GBE1: variants seen among roughly 807,000 people sequenced by gnomAD.
GBE1 encodes the protein 1,4-alpha-glucan branching enzyme 1.
GBE1 carries 70 observed loss-of-function variants against 88.8 expected under a neutral mutation model. That is an observed-to-expected ratio of 0.79 (90% confidence interval 0.65 to 0.96). The LOEUF (loss-of-function observed/expected upper bound fraction) is 0.96. Among genes scored for constraint, GBE1 ranks in the 40% least tolerant of loss-of-function variants. The pLI, the probability that GBE1 is intolerant of heterozygous loss-of-function variation, is 0.00. For synonymous variants in GBE1, 284 were observed against 300.1 expected, an observed-to-expected ratio of 0.95 and a Z score of 0.56; for missense variants, 872 against 871.0, an observed-to-expected ratio of 1.00 and a Z score of -0.01.
At chr3:81,619,976 A>G (rs1704302633) in intron 7 of GBE1, among the ~76,000 whole-genome samples, 1 of 152,058 alleles carries the variant, frequency 6.6e-6, no homozygotes, top group South Asian at 2.1e-4. Context: ...TAAAAAACAT[A>G]TACATTTATG....
At position 81,761,616 on chromosome 3, in the gene GBE1, G is replaced by A. The variant is rs1167752932; in HGVS notation, c.-99C>T. The A allele has an allele frequency of 6.9e-7, 1 of 1,456,478 alleles. No homozygotes were observed. Among genetic ancestry groups the A allele is most frequent in the Middle Eastern group, 2.4e-4 (1 of 4,142 alleles). 90.2% of individuals were successfully genotyped at this position (1,456,478 alleles called of 1,614,324 possible). On this transcript the variant is annotated 5_prime_UTR_variant, in exon 1 of 16. Coordinates refer to ENST00000429644, the MANE Select transcript of GBE1 (RefSeq NM_000158.4). ...GGACGCGGCGGCTAGGGCGGAGCCG[G>A]AGGGCGCCTAGGCGTGTCGAGGCAA...
At chr3:81,655,574 T>C (rs949794356) in intron 3 of GBE1, among the ~76,000 whole-genome samples, 12 of 152,176 alleles carry the variant, frequency 7.9e-5, no homozygotes, top group African/African-American at 2.4e-4. Flanking sequence ...TAGAATGCAA[T>C]GGTGCCACCT....
chr3:81,549,862 G>C (rs937947677), intron 12 of GBE1, among the ~76,000 whole-genome samples: 4 of 151,444 alleles, frequency 2.6e-5, no homozygotes, highest in Non-Finnish European at 5.9e-5. Flanking sequence ...ACTGGAGAGA[G>C]AAATTAAGTT....
rs559152263 is a variant in GBE1 at position 81,640,053 on chromosome 3, G to A, written c.992+2728C>T. 1.9e-4 allele frequency among the ~76,000 whole-genome samples: 29 copies of A among 152,282 alleles called. No homozygotes were observed. In the South Asian group the frequency reaches 3.5e-3, roughly 18 times the overall value. ...GCAAAGTAGGACTTTGATCATGATT[G>A]CTAAGAAGTATTTGTTTAAATGAAT... On this transcript the variant is annotated intron_variant, in intron 7 of 15. Transcript: ENST00000429644.
chr3:81,619,357 T>C (rs762236030), intron 7 of GBE1, among the ~76,000 whole-genome samples: 1 of 152,094 alleles, frequency 6.6e-6, no homozygotes, highest in Non-Finnish European at 1.5e-5. Flanking sequence ...AACAAAATGG[T>C]TTTATGGTCT....
At chr3:81,520,884 G>A (rs1389100076) in intron 14 of GBE1, among the ~76,000 whole-genome samples, 2 of 151,516 alleles carry the variant, frequency 1.3e-5, no homozygotes, top group East Asian at 3.9e-4. Flanking sequence ...TATGGCTGTA[G>A]ATTCTACTGC....
chr3:81,574,293 A>T (rs1218484661), intron 12 of GBE1, among the ~76,000 whole-genome samples: 1 of 152,218 alleles, frequency 6.6e-6, no homozygotes, highest in Non-Finnish European at 1.5e-5. Context: ...TAATATTAAA[A>T]TATAGTAACC....
At chr3:81,609,380 G>A (rs1206443423) in intron 7 of GBE1, among the ~76,000 whole-genome samples, 6 of 152,058 alleles carry the variant, frequency 3.9e-5, no homozygotes, top group South Asian at 4.1e-4. Flanking sequence ...ATGAAGGACT[G>A]GAACATTGGT....
intron 13 of GBE1, among the ~76,000 whole-genome samples, chr3:81,536,290 G>T (rs1305380766): frequency 2.0e-5 from 3 of 151,648 alleles, no homozygotes; most frequent in Non-Finnish European, 4.4e-5. Context: ...AAAGTAAATG[G>T]ATTATAACGA....
chr3:81,749,280 A>C (rs1706462134), intron 1 of GBE1, among the ~76,000 whole-genome samples: 2 of 152,178 alleles, frequency 1.3e-5, no homozygotes, highest in Non-Finnish European at 2.9e-5. Context: ...AAAAGGAACA[A>C]ACTATTGATA....
intron 7 of GBE1, among the ~76,000 whole-genome samples, chr3:81,621,183 G>A (rs1704327571): frequency 1.3e-5 from 2 of 152,140 alleles, no homozygotes; most frequent in South Asian, 4.1e-4. Flanking sequence ...ATTTTAGAAA[G>A]CTTACTCTGC....
intron 7 of GBE1, among the ~76,000 whole-genome samples, chr3:81,636,270 A>C (rs917423362): frequency 2.0e-5 from 3 of 152,182 alleles, no homozygotes; most frequent in Admixed American, 2.0e-4. Flanking sequence ...TGTTCTCCTT[A>C]ATCAAGCTGA....
intron 12 of GBE1, among the ~76,000 whole-genome samples, chr3:81,553,187 C>T (rs1173183355): frequency 6.6e-6 from 1 of 152,088 alleles, no homozygotes; most frequent in Non-Finnish European, 1.5e-5. Flanking sequence ...TTATTACTGA[C>T]CTCTGCTTTC....
chr3:81,499,084 G>A, intron 15 of GBE1, 26 bp downstream of exon 15: 1 of 1,163,558 alleles, frequency 8.6e-7, no homozygotes, highest in Non-Finnish European at 1.3e-6. Context: ...TAAAATAGCA[G>A]GAAATATGTT....
intron 14 of GBE1, among the ~76,000 whole-genome samples, chr3:81,526,770 A>G (rs1350954870): frequency 1.3e-5 from 2 of 152,154 alleles, no homozygotes; most frequent in African/African-American, 2.4e-5. Context: ...GGAAGAATCA[A>G]TATCATGAAA....
intron 14 of GBE1, among the ~76,000 whole-genome samples, chr3:81,517,861 C>A (rs1702819115): frequency 2.0e-5 from 3 of 151,300 alleles, no homozygotes; most frequent in African/African-American, 7.3e-5. Context: ...ATTTATCCAT[C>A]CATCCTTCCA....
At chr3:81,725,975 C>T (rs1349807072) in intron 1 of GBE1, among the ~76,000 whole-genome samples, 1 of 152,058 alleles carries the variant, frequency 6.6e-6, no homozygotes, top group African/African-American at 2.4e-5. Context: ...GCTTTGGGCA[C>T]CCAACAAAGT....
At chr3:81,615,450 A>T (rs965190884) in intron 7 of GBE1, among the ~76,000 whole-genome samples, 1 of 152,096 alleles carries the variant, frequency 6.6e-6, no homozygotes, top group Admixed American at 6.5e-5. Flanking sequence ...TCTCACCACC[A>T]CCCTCAGCCC....
chr3:81,708,511 T>A (rs1006160030), intron 1 of GBE1, among the ~76,000 whole-genome samples: 8 of 152,072 alleles, frequency 5.3e-5, no homozygotes, highest in Admixed American at 4.6e-4. Flanking sequence ...CAGAAACATA[T>A]GATAGTCTAT....
Sources: allele counts gnomAD v4.1 joint callset (sites outside exome capture counted in the v4.1 genomes callset), GRCh38; gene constraint gnomAD v4.1.1; transcripts MANE v1.5; gene names NCBI Gene and HGNC (gene_info 2026-07-23, HGNC 2026-07-21).